Variants in PDE1C observed in about 807,000 individuals in gnomAD.
The protein encoded by PDE1C is phosphodiesterase 1C, also known as dual specificity calcium/calmodulin-dependent 3',5'-cyclic nucleotide phosphodiesterase 1C.
In PDE1C, 62 loss-of-function variants were observed where a neutral mutation model predicts 93.1. The ratio of observed to expected loss-of-function variants is 0.67; its 90% CI spans 0.54 to 0.82. The LOEUF (loss-of-function observed/expected upper bound fraction) is 0.82. Among genes scored for constraint, PDE1C ranks in the 40% least tolerant of loss-of-function variants. The probability of loss-of-function intolerance (pLI) is 0.00; values close to 1 mark genes in which losing one functional copy is unlikely to be tolerated. For missense variants in PDE1C, 742 were observed against 884.6 expected (o/e 0.84, Z 2.04); for synonymous variants, 325 against 310.1 (o/e 1.05, Z -0.50).
chr7:31,631,431 C>T, the PDE1C span, among the ~76,000 whole-genome samples: 1 of 152,178 alleles, frequency 6.6e-6, no homozygotes, highest in African/African-American at 2.4e-5. Flanking sequence ...GCCCTAAATA[C>T]ATAGAAAGAT....
chr7:31,658,113 A>T, the PDE1C span, among the ~76,000 whole-genome samples: 2 of 152,228 alleles, frequency 1.3e-5, no homozygotes, highest in Non-Finnish European at 2.9e-5. Context: ...TGCATCATGG[A>T]GACACAAAGA....
At chr7:32,005,744 G>A (rs1786160475) in intron 2 of PDE1C, among the ~76,000 whole-genome samples, 1 of 151,988 alleles carries the variant, frequency 6.6e-6, no homozygotes, top group South Asian at 2.1e-4. Flanking sequence ...AGTAGAACTA[G>A]AATAGACACT....
At chr7:32,298,931 G>A (rs1030809851) in exon 1 of PDE1C, 2 of 1,339,986 alleles carry the variant, frequency 1.5e-6, no homozygotes, top group East Asian at 3.1e-5. Flanking sequence ...CAGCTAAAGC[G>A]CTAGGAGCTC....
chr7:32,289,178 A>G (rs1484472039), intron 1 of PDE1C, among the ~76,000 whole-genome samples: 3 of 152,208 alleles, frequency 2.0e-5, no homozygotes, highest in African/African-American at 7.2e-5. Context: ...GGCAAAGCAG[A>G]AGGATCGCTT....
At chr7:32,061,991 T>G (rs1420813004) in intron 1 of PDE1C, among the ~76,000 whole-genome samples, 1 of 152,140 alleles carries the variant, frequency 6.6e-6, no homozygotes, top group Non-Finnish European at 1.5e-5. Context: ...GGGCTGTAGA[T>G]TATATCTCCA....
rs1562660556 is a variant in PDE1C at position 32,298,065 on chromosome 7, C to CTCTCTCTCTCTCTCTCTCTCT, written c.85+585_85+586insAGAGAGAGAGAGAGAGAGAGA. Among the ~76,000 whole-genome samples, 4 of 21,174 alleles carry CTCTCTCTCTCTCTCTCTCTCT rather than the reference C, an allele frequency of 1.9e-4. 2 individuals are homozygous for CTCTCTCTCTCTCTCTCTCTCT. Among genetic ancestry groups the CTCTCTCTCTCTCTCTCTCTCT allele is most frequent in the Non-Finnish European group, 3.3e-4 (4 of 12,146 alleles). 13.9% of individuals were successfully genotyped at this position (21,174 alleles called of 152,430 possible). A position where few individuals can be genotyped will look rare whatever the true frequency, so the allele number is the denominator to read the frequency against. On this transcript the variant is annotated intron_variant, in intron 1 of 18. Transcript: ENST00000396193. ...CTCTCTCTCTCTCTCTCTCTCTCTC[C>CTCTCTCTCTCTCTCTCTCTCT]CCTCTCTCTCTGAATTCCCCGGTCT... is the stretch of plus-strand genomic sequence containing the variant.
intron 2 of PDE1C, among the ~76,000 whole-genome samples, chr7:31,904,372 C>G (rs67847415): frequency 7.8e-4 from 118 of 151,908 alleles, no homozygotes; most frequent in African/African-American, 2.7e-3. Context: ...AAAAAAAAAT[C>G]TATATACAAT....
intron 1 of PDE1C, among the ~76,000 whole-genome samples, chr7:32,056,856 CTT>C (rs1326018837): frequency 7.2e-5 from 11 of 152,146 alleles, no homozygotes. Context: ...TTTTCCTTAT[CTT>C]GGAACACTTG....
chr7:32,213,483 A>G (rs748257580), intron 1 of PDE1C, among the ~76,000 whole-genome samples: 11 of 152,220 alleles, frequency 7.2e-5, no homozygotes, highest in Non-Finnish European at 1.5e-4. Flanking sequence ...AACAGATGCT[A>G]GCACTACAAA....
At chr7:32,222,776 A>G (rs990858749) in intron 1 of PDE1C, among the ~76,000 whole-genome samples, 3 of 152,156 alleles carry the variant, frequency 2.0e-5, no homozygotes, top group Non-Finnish European at 4.4e-5. Flanking sequence ...TTAGGACTCT[A>G]ACATCAAACA....
chr7:32,071,119 C>A (rs937194403), upstream of PDE1C: 8 of 985,414 alleles, frequency 8.1e-6, no homozygotes, highest in East Asian at 5.7e-4. Context: ...ACGCTGGGCT[C>A]CGACCCCGGC....
At chr7:31,782,270 T>C (rs1783479323) in intron 16 of PDE1C, among the ~76,000 whole-genome samples, 1 of 100,642 alleles carries the variant, frequency 9.9e-6, no homozygotes, top group Non-Finnish European at 2.7e-5. Context: ...AAACCATAAT[T>C]CAAAATTAAC....
chr7:31,978,357 G>C (rs865828613), intron 2 of PDE1C, among the ~76,000 whole-genome samples: 1 of 152,186 alleles, frequency 6.6e-6, no homozygotes, highest in African/African-American at 2.4e-5. Context: ...ATTGAGTACA[G>C]ATGTTTAGAA....
intron 3 of PDE1C, among the ~76,000 whole-genome samples, chr7:32,087,416 G>T (rs943750668): frequency 4.6e-5 from 7 of 152,100 alleles, no homozygotes; most frequent in Non-Finnish European, 1.0e-4. Flanking sequence ...CTGTAAACTA[G>T]TCCAACCATT....
chr7:31,858,071 A>G (rs1794239747), intron 7 of PDE1C, among the ~76,000 whole-genome samples: 1 of 152,196 alleles, frequency 6.6e-6, no homozygotes, highest in South Asian at 2.1e-4. Flanking sequence ...AGACTGGAAA[A>G]CATGGGAGAA....
chr7:32,043,746 A>G (rs529152735), intron 2 of PDE1C, among the ~76,000 whole-genome samples: 1 of 152,320 alleles, frequency 6.6e-6, no homozygotes, highest in East Asian at 1.9e-4. Flanking sequence ...TAAAAAAAGA[A>G]AAGAAAGGCA....
intron 3 of PDE1C, among the ~76,000 whole-genome samples, chr7:32,099,001 T>C (rs1797913404): frequency 6.6e-6 from 1 of 152,192 alleles, no homozygotes; most frequent in Non-Finnish European, 1.5e-5. Flanking sequence ...ACTCAAAAGG[T>C]TAAAATAGTA....
At chr7:32,154,345 T>C (rs922310180) in intron 3 of PDE1C, among the ~76,000 whole-genome samples, 1 of 152,160 alleles carries the variant, frequency 6.6e-6, no homozygotes, top group Non-Finnish European at 1.5e-5. Context: ...ATGCCTTTTT[T>C]AACCTTTTAT....
intron 1 of PDE1C, among the ~76,000 whole-genome samples, chr7:32,374,656 T>C (rs1291992994): frequency 2.6e-5 from 4 of 152,266 alleles, no homozygotes; most frequent in Admixed American, 2.6e-4. Context: ...AGTCAACCCA[T>C]GACTGCTCTG....
Sources: gnomAD v4.1 joint callset for allele counts (sites outside exome capture counted in the v4.1 genomes callset) on GRCh38, gnomAD v4.1.1 for gene constraint, MANE v1.5 for transcripts, NCBI Gene and HGNC (gene_info 2026-07-23, HGNC 2026-07-21) for gene names.